The following CDK14 variants were observed in gnomAD, a reference collection of about 807,000 sequenced individuals.
CDK14 encodes cyclin dependent kinase 14, also known as cyclin-dependent kinase 14.
CDK14 carries 34 observed loss-of-function variants against 60.7 expected under a neutral mutation model. That is an observed-to-expected ratio of 0.56 (90% CI 0.43 to 0.75). CDK14 has a LOEUF of 0.75. Among genes scored for constraint, CDK14 ranks in the 30% least tolerant of loss-of-function variants. The pLI, the probability that CDK14 is intolerant of heterozygous loss-of-function variation, is 0.00. For synonymous variants in CDK14, 197 were observed against 203.7 expected (o/e 0.97, Z 0.28); for missense variants, 482 against 564.1 (o/e 0.85, Z 1.47).
intron 2 of CDK14, among the ~76,000 whole-genome samples, chr7:90,635,709 A>G (rs2116419382): frequency 6.6e-6 from 1 of 152,186 alleles, no homozygotes; most frequent in East Asian, 1.9e-4. Context: ...CATTGAATCT[A>G]TAAATTACCT....
chr7:90,725,597 T>C (rs1233527194), intron 2 of CDK14, among the ~76,000 whole-genome samples: 1 of 152,172 alleles, frequency 6.6e-6, no homozygotes, highest in African/African-American at 2.4e-5. Flanking sequence ...TATAGGGATG[T>C]GGGAACTTTT....
intron 4 of CDK14, among the ~76,000 whole-genome samples, chr7:90,749,051 T>C (rs1803706290): frequency 6.6e-6 from 1 of 152,230 alleles, no homozygotes; most frequent in Admixed American, 6.5e-5. Flanking sequence ...TGTTCATGTT[T>C]CTTAAGTTTA....
At chr7:91,132,000 T>TGTTTG (rs1562918031) in intron 14 of CDK14, among the ~76,000 whole-genome samples, 1 of 150,648 alleles carries the variant, frequency 6.6e-6, no homozygotes, top group Non-Finnish European at 1.5e-5. Context: ...GAAGTTTTTT[T>TGTTTG]GTTGGTTGGT....
rs370428041 is a variant in CDK14 at position 91,007,821 on chromosome 7, T to C, written c.1041+23580T>C. Among the ~76,000 whole-genome samples, 410 of 152,262 alleles carry C rather than the reference T, an allele frequency of 2.7e-3. 3 individuals are homozygous for C. Among genetic ancestry groups the C allele is most frequent in the South Asian group, 5.6e-3 (27 of 4,830 alleles). Reference sequence around the variant, plus strand: ...AAAACAAAAATCCTGACAAGTACTTTATTTTTATTTTTACACATGTCCTTC... The same window carrying C: ...AAAACAAAAATCCTGACAAGTACTTCATTTTTATTTTTACACATGTCCTTC... On this transcript the variant is annotated intron_variant, in intron 10 of 14. Transcript: ENST00000380050.
At chr7:90,937,179 A>G (rs914690968) in intron 8 of CDK14, among the ~76,000 whole-genome samples, 6 of 152,214 alleles carry the variant, frequency 3.9e-5, no homozygotes, top group African/African-American at 1.4e-4. Context: ...CTCAAATTCT[A>G]CATTGTTGTG....
intron 5 of CDK14, among the ~76,000 whole-genome samples, chr7:90,824,176 C>G (rs1215574272): frequency 1.3e-5 from 2 of 152,126 alleles, no homozygotes; most frequent in Non-Finnish European, 2.9e-5. Context: ...AATGTTGATT[C>G]TACATGGTCT....
At chr7:90,920,673 A>T (rs537610285) in intron 8 of CDK14, among the ~76,000 whole-genome samples, 1 of 152,368 alleles carries the variant, frequency 6.6e-6, no homozygotes, top group South Asian at 2.1e-4. Context: ...AAGCTAGGAA[A>T]TTATTGATCG....
chr7:90,654,663 C>T (rs1800715804), intron 2 of CDK14, among the ~76,000 whole-genome samples: 1 of 152,112 alleles, frequency 6.6e-6, no homozygotes, highest in Non-Finnish European at 1.5e-5. Context: ...AATTAATAGG[C>T]TTTTTTTGGG....
At chr7:91,197,125 A>C (rs906873306) in intron 14 of CDK14, among the ~76,000 whole-genome samples, 9 of 151,986 alleles carry the variant, frequency 5.9e-5, no homozygotes, top group African/African-American at 2.2e-4. Context: ...CTAGGCCGGG[A>C]GTGGTGGCTC....
intron 10 of CDK14, among the ~76,000 whole-genome samples, chr7:91,039,867 G>A (rs780895962): frequency 6.6e-6 from 1 of 152,062 alleles, no homozygotes; most frequent in Non-Finnish European, 1.5e-5. Context: ...TGAGGCAGGT[G>A]GATCACTTGA....
intron 5 of CDK14, among the ~76,000 whole-genome samples, chr7:90,830,022 A>G (rs1789864255): frequency 6.6e-6 from 1 of 152,098 alleles, no homozygotes; most frequent in Admixed American, 6.5e-5. Flanking sequence ...CCTTTGGTGC[A>G]AGCTGTTGGT....
Position 91,171,092 on chromosome 7 carries a change from G to T in CDK14, c.*29-36073G>T, listed in dbSNP as rs536159468. On this transcript the variant is annotated intron_variant, in intron 14 of 14. Transcript: ENST00000380050. Reference sequence around the variant, plus strand: ...GGGCTGGGTGCAGTGGCTCACACCTGTAATCCCAGCACTGTGGGAGGCCGA... The same window carrying T: ...GGGCTGGGTGCAGTGGCTCACACCTTTAATCCCAGCACTGTGGGAGGCCGA... Among the ~76,000 whole-genome samples the T allele has an allele frequency of 1.6e-4, 24 of 152,204 alleles. No homozygotes were observed. In the South Asian group the frequency reaches 5.0e-3, roughly 32 times the overall value.
At chr7:91,143,226 A>C (rs1230093232) in intron 14 of CDK14, among the ~76,000 whole-genome samples, 1 of 152,220 alleles carries the variant, frequency 6.6e-6, no homozygotes, top group Non-Finnish European at 1.5e-5. Flanking sequence ...GAAGCTGGAC[A>C]AGAAATGTAA....
chr7:90,894,203 C>T (rs1792226054), intron 6 of CDK14, among the ~76,000 whole-genome samples: 1 of 152,114 alleles, frequency 6.6e-6, no homozygotes, highest in African/African-American at 2.4e-5. Context: ...TTAATTTTCA[C>T]AATAACCATG....
chr7:91,036,005 G>C (rs982027569), intron 10 of CDK14, among the ~76,000 whole-genome samples: 3 of 151,832 alleles, frequency 2.0e-5, no homozygotes, highest in African/African-American at 7.3e-5. Flanking sequence ...CACCGCACCC[G>C]GCTAATTTTT....
At chr7:90,828,979 G>GTCC (rs997189450) in intron 5 of CDK14, among the ~76,000 whole-genome samples, 13 of 152,094 alleles carry the variant, frequency 8.5e-5, no homozygotes, top group Non-Finnish European at 1.2e-4. Context: ...GTCTGGGGGA[G>GTCC]GCCTCAGGAA....
rs139833992 is a variant in CDK14, at chr7:90,779,522, T to G, written c.465-11051T>G. Among the ~76,000 whole-genome samples the G allele has an allele frequency of 9.8e-5, 15 of 152,302 alleles. No homozygotes were observed. In the East Asian group the frequency reaches 2.9e-3, roughly 29 times the overall value. On this transcript the variant is annotated intron_variant, in intron 4 of 14. Transcript: ENST00000380050. Reference sequence around the variant, plus strand: ...TCCTGCCCCAGCCTCCCTATTTCTTTTATATAGCGTGCTGAGATTTTCCCT... The same window carrying G: ...TCCTGCCCCAGCCTCCCTATTTCTTGTATATAGCGTGCTGAGATTTTCCCT...
At chr7:90,846,417 C>T (rs1282454799) in intron 5 of CDK14, among the ~76,000 whole-genome samples, 16 of 152,254 alleles carry the variant, frequency 1.1e-4, no homozygotes, top group Non-Finnish European at 2.9e-5. Context: ...GCTTTAAGAT[C>T]CTTCTTTGAA....
intron 3 of CDK14, among the ~76,000 whole-genome samples, chr7:90,727,235 TG>T (rs1554441801): frequency 6.6e-6 from 1 of 152,014 alleles, no homozygotes; most frequent in Non-Finnish European, 1.5e-5. Flanking sequence ...CAGTTTTTTT[TG>T]GGGGGGTACT....
Sources: allele counts gnomAD v4.1 joint callset (sites outside exome capture counted in the v4.1 genomes callset), GRCh38; gene constraint gnomAD v4.1.1; transcripts MANE v1.5; gene names NCBI Gene and HGNC (gene_info 2026-07-23, HGNC 2026-07-21).